Variants in RUNX2 observed in about 807,000 individuals in gnomAD.
The protein encoded by RUNX2 is runt-related transcription factor 2.
RUNX2 carries 10 observed loss-of-function variants against 51.7 expected under a neutral mutation model. The ratio of observed to expected loss-of-function variants is 0.19; its 90% CI spans 0.12 to 0.33. The LOEUF (loss-of-function observed/expected upper bound fraction) is 0.33, where lower values mean the gene tolerates loss of function less well. RUNX2 is among the 10% of genes least tolerant of loss of function. The pLI, the probability that RUNX2 is intolerant of heterozygous loss-of-function variation, is 1.00. For missense variants in RUNX2, 562 were observed against 691.3 expected (o/e 0.81, Z 2.10); for synonymous variants, 276 against 273.6 (o/e 1.01, Z -0.09).
intron 2 of RUNX2, among the ~76,000 whole-genome samples, chr6:45,392,941 A>G (rs760769130): frequency 7.2e-5 from 11 of 151,968 alleles, no homozygotes; most frequent in Non-Finnish European, 1.3e-4. Context: ...CTACTGGCAT[A>G]TCTTCAGGCT....
chr6:45,414,993 C>T (rs1798036432), intron 2 of RUNX2, among the ~76,000 whole-genome samples: 1 of 151,768 alleles, frequency 6.6e-6, no homozygotes, highest in South Asian at 2.1e-4. Flanking sequence ...AAATATATGT[C>T]CTCTAATTAT....
At chr6:45,377,171 G>A (rs1435590484) in intron 2 of RUNX2, 2 of 152,128 alleles carry the variant, frequency 1.3e-5, no homozygotes, top group African/African-American at 4.8e-5. Flanking sequence ...AGCACCTGGC[G>A]CTGTTCTAAG....
chr6:45,489,157 A>G (rs1800379403), intron 5 of RUNX2, among the ~76,000 whole-genome samples: 1 of 152,204 alleles, frequency 6.6e-6, no homozygotes, highest in Non-Finnish European at 1.5e-5. Flanking sequence ...AGATATCTAC[A>G]AAGAAAAATG....
At chr6:45,477,052 T>C (rs1290510704) in intron 5 of RUNX2, among the ~76,000 whole-genome samples, 1 of 152,174 alleles carries the variant, frequency 6.6e-6, no homozygotes, top group African/African-American at 2.4e-5. Flanking sequence ...TTGTGTCCCT[T>C]GCCTGGACAC....
intron 2 of RUNX2, among the ~76,000 whole-genome samples, chr6:45,411,360 C>T (rs1049398062): frequency 3.3e-5 from 5 of 152,034 alleles, no homozygotes; most frequent in African/African-American, 1.2e-4. Flanking sequence ...AACTTGCCAA[C>T]AATTTTTTTT....
rs189030444 is a variant in RUNX2 at position 45,401,153 on chromosome 6, T to C, written c.59-21440T>C. ...CAGCCATCCATCCTACCCTCTCTCT[T>C]AAATTCTGGATTATCTTCCAGTGGG... On this transcript the variant is annotated intron_variant, in intron 2 of 8. Transcript: ENST00000647337. 2.0e-5 allele frequency among the ~76,000 whole-genome samples: 3 copies of C among 152,362 alleles called. No individual in the cohort carries two copies. The East Asian group carries it at 5.8e-4, about 29-fold the overall frequency.
intron 2 of RUNX2, among the ~76,000 whole-genome samples, chr6:45,366,872 A>C (rs1352380831): frequency 6.6e-6 from 1 of 151,718 alleles, no homozygotes; most frequent in Non-Finnish European, 1.5e-5. Context: ...CCTTCTAAAA[A>C]CTCTTAGCTA....
At chr6:45,466,918 TC>T (rs1027198388) in intron 5 of RUNX2, among the ~76,000 whole-genome samples, 27 of 152,360 alleles carry the variant, frequency 1.8e-4, no homozygotes, top group African/African-American at 6.0e-4. Context: ...TGCTAAAACA[TC>T]CCTTTCCTTT....
chr6:45,485,291 C>T (rs1800239703), intron 5 of RUNX2, among the ~76,000 whole-genome samples: 1 of 151,570 alleles, frequency 6.6e-6, no homozygotes, highest in Non-Finnish European at 1.5e-5. Flanking sequence ...CAACCTCTGC[C>T]TCCTGTGTTC....
At chr6:45,524,774 C>A (rs1002952941) in intron 7 of RUNX2, among the ~76,000 whole-genome samples, 5 of 152,106 alleles carry the variant, frequency 3.3e-5, no homozygotes, top group Non-Finnish European at 5.9e-5. Context: ...TTGTAAGCTC[C>A]CAAACTACAC....
At chr6:45,380,244 T>A (rs1041141492) in intron 2 of RUNX2, among the ~76,000 whole-genome samples, 14 of 152,256 alleles carry the variant, frequency 9.2e-5, no homozygotes, top group African/African-American at 3.1e-4. Flanking sequence ...AAGGCTTTGA[T>A]GACTACCACC....
intron 5 of RUNX2, among the ~76,000 whole-genome samples, chr6:45,458,120 G>T (rs1232003333): frequency 6.6e-6 from 1 of 150,472 alleles, no homozygotes; most frequent in Non-Finnish European, 1.5e-5. Context: ...TCCGCCTCCT[G>T]GGTTCAAGAG....
At position 45,549,127 on chromosome 6, in the gene RUNX2, C is replaced by G; in HGVS notation, c.*1822C>G. 1 of 398,678 alleles carries G rather than the reference C, an allele frequency of 2.5e-6. No homozygotes were observed. The highest frequency in any genetic ancestry group is 4.4e-6 in the Non-Finnish European group (1 of 226,122). The allele number at this position is 398,678 out of a possible 1,614,324, so 24.7% of individuals were successfully genotyped here. On this transcript the variant is annotated 3_prime_UTR_variant, in exon 9 of 9. Coordinates refer to ENST00000647337, the MANE Select transcript of RUNX2 (RefSeq NM_001024630.4). ...GCACTTTGACCACTCCTGGCAGTCA[C>G]ATGGCAGATTTCCAAGTGCAAATCC...
At chr6:45,500,337 T>G (rs6914610) in intron 6 of RUNX2, among the ~76,000 whole-genome samples, 38,614 of 152,086 alleles carry the variant, frequency 0.25, 5,620 homozygotes, top group African/African-American at 0.4. Context: ...TCCAGGAATA[T>G]AACTGTATGG....
At chr6:45,376,707 G>A (rs1796828347) in intron 2 of RUNX2, among the ~76,000 whole-genome samples, 1 of 152,176 alleles carries the variant, frequency 6.6e-6, no homozygotes, top group African/African-American at 2.4e-5. Flanking sequence ...GTTTCTCATA[G>A]GCAAATTCAG....
At chr6:45,392,665 T>C (rs1235314830) in intron 2 of RUNX2, among the ~76,000 whole-genome samples, 1 of 151,750 alleles carries the variant, frequency 6.6e-6, no homozygotes, top group Non-Finnish European at 1.5e-5. Context: ...ATTGTAATGT[T>C]AATTTCTAGG....
At chr6:45,463,786 G>C (rs1294220204) in intron 5 of RUNX2, among the ~76,000 whole-genome samples, 1 of 152,020 alleles carries the variant, frequency 6.6e-6, no homozygotes, top group Non-Finnish European at 1.5e-5. Flanking sequence ...TCTTTACTTT[G>C]TCTTGGAAAT....
At chr6:45,525,327 G>A (rs529153875) in intron 7 of RUNX2, among the ~76,000 whole-genome samples, 1 of 152,204 alleles carries the variant, frequency 6.6e-6, no homozygotes, top group Non-Finnish European at 1.5e-5. Flanking sequence ...AAGAAGAATT[G>A]AGTTCAACAC....
intron 2 of RUNX2, among the ~76,000 whole-genome samples, chr6:45,383,792 A>T (rs566898196): frequency 6.8e-6 from 1 of 146,284 alleles, no homozygotes; most frequent in African/African-American, 2.5e-5. Flanking sequence ...AACAGGACCA[A>T]AAGTTATTTG....
Sources: gnomAD v4.1 joint callset for allele counts (sites outside exome capture counted in the v4.1 genomes callset) on GRCh38, gnomAD v4.1.1 for gene constraint, MANE v1.5 for transcripts, NCBI Gene and HGNC (gene_info 2026-07-23, HGNC 2026-07-21) for gene names.